The following RNLS variants were observed in gnomAD, a reference collection of about 807,000 sequenced individuals.
RNLS encodes renalase, FAD dependent amine oxidase, also known as renalase.
RNLS carries 39 observed loss-of-function variants against 39.8 expected under a neutral mutation model. The ratio of observed to expected loss-of-function variants is 0.98; its 90% CI spans 0.76 to 1.28. The LOEUF (loss-of-function observed/expected upper bound fraction) is 1.28, where lower values mean the gene tolerates loss of function less well. Among genes scored for constraint, RNLS ranks in the 50% most tolerant of loss-of-function variants. The probability of loss-of-function intolerance (pLI) is 0.00; values close to 1 mark genes in which losing one functional copy is unlikely to be tolerated. For synonymous variants in RNLS, 147 were observed against 150.7 expected, an observed-to-expected ratio of 0.98 and a Z score of 0.18; for missense variants, 410 against 413.3, an observed-to-expected ratio of 0.99 and a Z score of 0.07.
In RNLS at chr10:88,334,055, C is replaced by T. The variant is rs950621314; in HGVS notation, c.701-19414G>A. Reference sequence around the variant, plus strand: ...CAAACTAATTGACTAAGACAATTCACATACCTTTGTTGAACTTCTGTGAGA... The same window carrying T: ...CAAACTAATTGACTAAGACAATTCATATACCTTTGTTGAACTTCTGTGAGA... On this transcript the variant is annotated intron_variant, in intron 5 of 6. Transcript: ENST00000331772. Among the ~76,000 whole-genome samples the T allele has an allele frequency of 1.4e-4, 22 of 152,204 alleles. 1 individual carries two copies. The highest frequency in any genetic ancestry group is 4.8e-5 in the African/African-American group (2 of 41,442).
At chr10:88,233,914 C>T in the RNLS span, among the ~76,000 whole-genome samples, 2 of 151,492 alleles carry the variant, frequency 1.3e-5, no homozygotes, top group Non-Finnish European at 2.9e-5. Flanking sequence ...ATAATCCTTT[C>T]AGGATCTGGG....
chr10:88,483,007 G>A lies in RNLS; in HGVS notation c.526+89896C>T, dbSNP rs567632750. Among the ~76,000 whole-genome samples, 11 of 151,236 alleles carry A rather than the reference G, an allele frequency of 7.3e-5. No individual in the cohort carries two copies. The South Asian group carries it at 2.3e-3, about 32-fold the overall frequency. On this transcript the variant is annotated intron_variant, in intron 4 of 6. Transcript: ENST00000331772. ...CTTTCTTCCTTTTTGTAGAGACAGG[G>A]TCTTGCTATATCTTTTTAAAATTCT...
At chr10:88,485,404 T>C (rs1171828855) in intron 4 of RNLS, among the ~76,000 whole-genome samples, 1 of 151,780 alleles carries the variant, frequency 6.6e-6, no homozygotes, top group East Asian at 1.9e-4. Flanking sequence ...GATATCCATA[T>C]AAAAATATGA....
intron 4 of RNLS, among the ~76,000 whole-genome samples, chr10:88,538,933 G>A (rs1294788755): frequency 2.0e-5 from 3 of 152,072 alleles, no homozygotes; most frequent in Non-Finnish European, 4.4e-5. Context: ...CCAGATTTAT[G>A]ACTTCATTTT....
At chr10:88,393,747 C>T (rs1292337053) in intron 4 of RNLS, among the ~76,000 whole-genome samples, 1 of 152,108 alleles carries the variant, frequency 6.6e-6, no homozygotes, top group East Asian at 1.9e-4. Context: ...CAATCTTAAG[C>T]CAAAAGGACA....
intron 4 of RNLS, among the ~76,000 whole-genome samples, chr10:88,502,360 G>T: frequency 6.6e-6 from 1 of 151,328 alleles, no homozygotes; most frequent in African/African-American, 2.4e-5. Context: ...GGTGAGGAGG[G>T]GGAATAGATT....
intron 4 of RNLS, among the ~76,000 whole-genome samples, chr10:88,480,362 A>G (rs1282956404): frequency 6.6e-6 from 1 of 152,262 alleles, no homozygotes; most frequent in African/African-American, 2.4e-5. Context: ...TGAGATTCTT[A>G]TAAGATCATA....
the RNLS span, among the ~76,000 whole-genome samples, chr10:88,196,656 A>G: frequency 6.6e-6 from 1 of 152,170 alleles, no homozygotes; most frequent in African/African-American, 2.4e-5. Context: ...TAAAGAACCC[A>G]TAGCATGGGG....
intron 4 of RNLS, among the ~76,000 whole-genome samples, chr10:88,447,523 A>T (rs906946142): frequency 6.6e-6 from 1 of 152,130 alleles, no homozygotes; most frequent in African/African-American, 2.4e-5. Flanking sequence ...ACAAACAAAC[A>T]GAAGAACATT....
the RNLS span, among the ~76,000 whole-genome samples, chr10:88,177,652 C>A: frequency 6.6e-6 from 1 of 151,328 alleles, no homozygotes; most frequent in African/African-American, 2.4e-5. Context: ...TTCCTTGCTT[C>A]TTCATATTTC....
intron 3 of RNLS, among the ~76,000 whole-genome samples, chr10:88,573,475 C>A (rs1849975623): frequency 6.6e-6 from 1 of 152,046 alleles, no homozygotes; most frequent in Admixed American, 6.6e-5. Flanking sequence ...TTTTGCAGAA[C>A]AAGTATACAC....
the RNLS span, among the ~76,000 whole-genome samples, chr10:88,198,585 T>C: frequency 2.0e-4 from 31 of 152,140 alleles, no homozygotes; most frequent in Non-Finnish European, 2.4e-4. Context: ...TGGGAGGTGA[T>C]TGGATCATGG....
chr10:88,343,702 T>C (rs562155658), intron 5 of RNLS: 24 of 985,308 alleles, frequency 2.4e-5, no homozygotes, highest in African/African-American at 8.7e-5. Context: ...TTTCAGGATC[T>C]GTTTGGGAGA....
chr10:88,315,754 A>C (rs200569093), intron 5 of RNLS, among the ~76,000 whole-genome samples: 1 of 106,094 alleles, frequency 9.4e-6, no homozygotes, highest in Admixed American at 9.0e-5. Context: ...TTTTTTTTTT[A>C]ATGAGAATAA....
At chr10:88,264,734 T>G in the RNLS span, among the ~76,000 whole-genome samples, 1 of 152,244 alleles carries the variant, frequency 6.6e-6, no homozygotes, top group African/African-American at 2.4e-5. Flanking sequence ...TTCTGGATAT[T>G]AGGCCTTGGT....
intron 5 of RNLS, among the ~76,000 whole-genome samples, chr10:88,319,917 C>T (rs1589542567): frequency 6.6e-6 from 1 of 151,620 alleles, no homozygotes; most frequent in East Asian, 1.9e-4. Flanking sequence ...CATCAACATC[C>T]AGATATAAGA....
At chr10:88,231,671 G>A in the RNLS span, among the ~76,000 whole-genome samples, 328 of 152,292 alleles carry the variant, frequency 2.2e-3, 3 homozygotes, top group African/African-American at 7.5e-3. Context: ...TGGTAGGGGC[G>A]TAAGGCTGAA....
chr10:88,557,032 G>C (rs551903381), intron 4 of RNLS, among the ~76,000 whole-genome samples: 5 of 151,878 alleles, frequency 3.3e-5, no homozygotes, highest in African/African-American at 1.2e-4. Flanking sequence ...GCACATAGTA[G>C]ATGTTCAATA....
the RNLS span, among the ~76,000 whole-genome samples, chr10:88,223,123 AGAGCCTGGGCT>A: frequency 6.6e-6 from 1 of 152,252 alleles, no homozygotes; most frequent in Non-Finnish European, 1.5e-5. Context: ...TTGTGAGGGC[AGAGCCTGGGCT>A]GAGACTTTCA....
Sources: gnomAD v4.1 joint callset for allele counts (sites outside exome capture counted in the v4.1 genomes callset) on GRCh38, gnomAD v4.1.1 for gene constraint, MANE v1.5 for transcripts, NCBI Gene and HGNC (gene_info 2026-07-23, HGNC 2026-07-21) for gene names.